Variants in PPP2R5C observed in about 807,000 individuals in gnomAD.
PPP2R5C encodes serine/threonine-protein phosphatase 2A 56 kDa regulatory subunit gamma isoform.
Under a neutral mutation model 68.9 loss-of-function variants are expected in PPP2R5C, and 7 were observed. The observed-to-expected ratio is 0.10, with a 90% CI of 0.06 to 0.19. The LOEUF (loss-of-function observed/expected upper bound fraction) is 0.19. PPP2R5C is among the 10% of genes least tolerant of loss of function. The probability of loss-of-function intolerance (pLI) is 1.00; values close to 1 mark genes in which losing one functional copy is unlikely to be tolerated. For missense variants in PPP2R5C, 348 were observed against 641.3 expected (o/e 0.54, Z 4.94); for synonymous variants, 210 against 222.2 (o/e 0.95, Z 0.49).
intron 1 of PPP2R5C, among the ~76,000 whole-genome samples, chr14:101,847,230 T>C (rs1307386453): frequency 6.6e-6 from 1 of 152,220 alleles, no homozygotes; most frequent in East Asian, 1.9e-4. Flanking sequence ...AATTTATAAT[T>C]AAGCATCCAG....
chr14:101,815,755 T>C (rs1028964962), intron 1 of PPP2R5C, among the ~76,000 whole-genome samples: 10 of 152,166 alleles, frequency 6.6e-5, no homozygotes, highest in East Asian at 3.8e-4. Context: ...CTGCAACCTC[T>C]GCCTCCCAGG....
chr14:101,784,671 G>T (rs1289425249), intron 2 of PPP2R5C, among the ~76,000 whole-genome samples: 1 of 152,196 alleles, frequency 6.6e-6, no homozygotes, highest in Non-Finnish European at 1.5e-5. Flanking sequence ...TGAGATTTGG[G>T]TGGGGACACA....
At chr14:101,820,190 A>G (rs1265476911) in intron 1 of PPP2R5C, 1 of 152,220 alleles carries the variant, frequency 6.6e-6, no homozygotes, top group Non-Finnish European at 1.5e-5. Context: ...GAGCTTATCA[A>G]TTGAGGGGAA....
chr14:101,875,059 A>T (rs2043674188), intron 2 of PPP2R5C, among the ~76,000 whole-genome samples: 1 of 152,224 alleles, frequency 6.6e-6, no homozygotes, highest in Admixed American at 6.5e-5. Context: ...TTATTTCCAT[A>T]TCTTTAACTG....
intron 1 of PPP2R5C, among the ~76,000 whole-genome samples, chr14:101,838,311 G>A (rs2041247772): frequency 6.6e-6 from 1 of 152,170 alleles, no homozygotes. Context: ...GTCGAAGGAA[G>A]GTGAATGCAA....
chr14:101,810,380 T>C (rs7144472), intron 1 of PPP2R5C: 28,269 of 205,258 alleles, frequency 0.14, 2,108 homozygotes, highest in Admixed American at 0.19. Context: ...GAGGCGGGCC[T>C]GTCGCGCCTG....
At chr14:101,869,659 T>C (rs565372510) in intron 2 of PPP2R5C, among the ~76,000 whole-genome samples, 1 of 152,232 alleles carries the variant, frequency 6.6e-6, no homozygotes, top group South Asian at 2.1e-4. Context: ...CCAGGCTTGT[T>C]TGTTTGTTTT....
rs149893586 is a variant in PPP2R5C at position 101,891,502 on chromosome 14, T to G, written c.689+1206T>G. Among the ~76,000 whole-genome samples the G allele has an allele frequency of 2.1e-3, 314 of 152,340 alleles. 2 individuals carry two copies. Among genetic ancestry groups the G allele is most frequent in the African/African-American group, 7.0e-3 (291 of 41,582 alleles). On this transcript the variant is annotated intron_variant, in intron 6 of 13. Coordinates refer to ENST00000334743, the Ensembl canonical transcript of PPP2R5C. The surrounding 1 kb of genome is among the most constrained non-coding windows in gnomAD (Gnocchi z 4.9). ...ATGTGTGACCATGGGCAGGTACTTC[T>G]GTAAGATAGGCGCATCCTCGCATTT...
Position 101,906,762 on chromosome 14 carries a change from C to T in PPP2R5C, c.1151+233C>T. On this transcript the variant is annotated intron_variant, in intron 10 of 13. Transcript: ENST00000334743. The surrounding 1 kb of genome is among the most constrained non-coding windows in gnomAD (Gnocchi z 4.0). ...ATAGAGGCACATTGGTTTGCAGCCA[C>T]CTCCCAGTAGCAGCAGTTTCTAGGC... 2.1e-6 allele frequency: 1 copy of T among 481,838 alleles called. No individual in the cohort carries two copies. Among genetic ancestry groups the T allele is most frequent in the Non-Finnish European group, 3.6e-6 (1 of 278,230 alleles). 29.8% of individuals were successfully genotyped at this position (481,838 alleles called of 1,614,324 possible). A position where few individuals can be genotyped will look rare whatever the true frequency, so the allele number is the denominator to read the frequency against.
chr14:101,776,975 G>T (rs2037457594), intron 2 of PPP2R5C, among the ~76,000 whole-genome samples: 1 of 151,040 alleles, frequency 6.6e-6, no homozygotes, highest in Non-Finnish European at 1.5e-5. Context: ...CCACCTCCCG[G>T]GTTCAAGCAA....
In PPP2R5C at chr14:101,818,979, T is replaced by G. The variant is rs778991174; in HGVS notation, c.94+8943T>G. On this transcript the variant is annotated intron_variant, in intron 1 of 13. Transcript: ENST00000334743. ...TAACTTATAACTTATGAAAAAGTTATGTTTCACTCTAGGGAACAAGTCCTG... is the reference window on the plus strand; with the variant it reads ...TAACTTATAACTTATGAAAAAGTTAGGTTTCACTCTAGGGAACAAGTCCTG... 1.8e-5 allele frequency: 27 copies of G among 1,525,720 alleles called. No homozygotes were observed. In the Admixed American group the frequency reaches 2.2e-4, roughly 12 times the overall value. 94.5% of individuals were successfully genotyped at this position (1,525,720 alleles called of 1,614,324 possible).
intron 2 of PPP2R5C, among the ~76,000 whole-genome samples, chr14:101,881,055 G>A (rs527563246): frequency 2.6e-4 from 39 of 152,042 alleles, no homozygotes; most frequent in Non-Finnish European, 4.4e-4. Context: ...CATACGATCC[G>A]TTCAGAGATT....
chr14:101,761,715 GT>G, upstream of PPP2R5C: 2 of 787,992 alleles, frequency 2.5e-6, no homozygotes, highest in Non-Finnish European at 3.1e-6. Context: ...CGCCGCCGCC[GT>G]GGCTGCCGCA....
At chr14:101,903,745 G>A (rs1388383174) in intron 9 of PPP2R5C, among the ~76,000 whole-genome samples, 13 of 151,538 alleles carry the variant, frequency 8.6e-5, no homozygotes, top group Non-Finnish European at 1.6e-4. Context: ...GTGCGATCTC[G>A]GCTCATTGCA....
chr14:101,763,415 C>T (rs1052153892), intron 2 of PPP2R5C, among the ~76,000 whole-genome samples: 1 of 151,516 alleles, frequency 6.6e-6, no homozygotes, highest in Admixed American at 6.6e-5. Flanking sequence ...TAGAGTCTCA[C>T]TCTGTCACCC....
intron 5 of PPP2R5C, among the ~76,000 whole-genome samples, chr14:101,886,457 T>C (rs541865814): frequency 1.3e-5 from 2 of 152,092 alleles, no homozygotes; most frequent in East Asian, 3.9e-4. Context: ...GTCTTTTCTG[T>C]AATTGTGTGC....
Position 101,874,153 on chromosome 14 carries a change from G to A in PPP2R5C, c.295-8008G>A, listed in dbSNP as rs188610992. ...ATTTCATACGTCATTTGGGGTTAGG[G>A]GAAATGGCTGTGCATACATGACTGG... is the stretch of plus-strand genomic sequence containing the variant. On this transcript the variant is annotated intron_variant, in intron 2 of 13. Coordinates refer to ENST00000334743, the Ensembl canonical transcript of PPP2R5C. 4.6e-5 allele frequency among the ~76,000 whole-genome samples: 7 copies of A among 152,246 alleles called. No homozygotes were observed. The East Asian group carries it at 1.4e-3, about 29-fold the overall frequency.
intron 2 of PPP2R5C, among the ~76,000 whole-genome samples, chr14:101,775,695 T>C (rs1566826775): frequency 6.6e-6 from 1 of 152,168 alleles, no homozygotes; most frequent in Non-Finnish European, 1.5e-5. Flanking sequence ...GGCCTGGCAG[T>C]GGGGCTGGGC....
In PPP2R5C at chr14:101,778,656, C is replaced by T. The variant is rs767304334; in HGVS notation, c.94-7362C>T. ...TTGTCCCAGCATCATTTGTTAAAGACGCTGTTCTTTCCCTGGTGAATGGGC... is the reference window on the plus strand; with the variant it reads ...TTGTCCCAGCATCATTTGTTAAAGATGCTGTTCTTTCCCTGGTGAATGGGC... On this transcript the variant is annotated intron_variant, in intron 2 of 14. Coordinates refer to the PPP2R5C transcript ENST00000328724. Among the ~76,000 whole-genome samples, 14 of 152,260 alleles carry T rather than the reference C, an allele frequency of 9.2e-5. No individual in the cohort carries two copies. In the East Asian group the frequency reaches 9.6e-4, roughly 10 times the overall value.
Sources: allele counts gnomAD v4.1 joint callset (sites outside exome capture counted in the v4.1 genomes callset), GRCh38; gene constraint gnomAD v4.1.1; non-coding constraint Gnocchi (gnomAD v3.1); transcripts MANE v1.5; gene names NCBI Gene and HGNC (gene_info 2026-07-23, HGNC 2026-07-21).